The following UBTD1 variants were observed in gnomAD, a reference collection of about 807,000 sequenced individuals.
UBTD1 encodes ubiquitin domain containing 1.
A neutral mutation model predicts 21.7 loss-of-function variants in UBTD1; 19 were observed. The ratio of observed to expected loss-of-function variants is 0.87; its 90% CI spans 0.61 to 1.28. The LOEUF (loss-of-function observed/expected upper bound fraction) is 1.28, where lower values mean the gene tolerates loss of function less well. UBTD1 is among the 50% of genes most tolerant of loss of function. The pLI is 0.00. For missense variants in UBTD1, 282 were observed against 315.1 expected (o/e 0.89, Z 0.80); for synonymous variants, 116 against 135.1 (o/e 0.86, Z 0.98).
chr10:97,560,024 TA>T (rs1181207881), intron 1 of UBTD1, among the ~76,000 whole-genome samples: 1 of 152,214 alleles, frequency 6.6e-6, no homozygotes, highest in Non-Finnish European at 1.5e-5. Flanking sequence ...TTATTACTTT[TA>T]AATTATACAA....
chr10:97,550,865 C>G (rs1164960853), intron 1 of UBTD1, among the ~76,000 whole-genome samples: 1 of 152,166 alleles, frequency 6.6e-6, no homozygotes, highest in Non-Finnish European at 1.5e-5. Context: ...CACCAGACAC[C>G]ATTCATTATT....
At chr10:97,515,582 C>T (rs2040440367) in intron 1 of UBTD1, among the ~76,000 whole-genome samples, 1 of 152,192 alleles carries the variant, frequency 6.6e-6, no homozygotes, top group Non-Finnish European at 1.5e-5. Flanking sequence ...TGGCCTTAAG[C>T]AGGGATTAGA....
At chr10:97,530,703 A>G (rs539254080) in intron 1 of UBTD1, among the ~76,000 whole-genome samples, 11 of 152,302 alleles carry the variant, frequency 7.2e-5, no homozygotes, top group Non-Finnish European at 1.5e-4. Context: ...CGTGGACATC[A>G]TAATGGTAGA....
chr10:97,536,102 C>T (rs1260127426), intron 1 of UBTD1, among the ~76,000 whole-genome samples: 1 of 151,762 alleles, frequency 6.6e-6, no homozygotes, highest in East Asian at 1.9e-4. Context: ...AAGCGATTCT[C>T]CTGCCTCAGC....
chr10:97,551,490 G>T (rs1311004217), intron 1 of UBTD1, among the ~76,000 whole-genome samples: 1 of 152,204 alleles, frequency 6.6e-6, no homozygotes, highest in Non-Finnish European at 1.5e-5. Flanking sequence ...CAGGTTGTAT[G>T]CCTTTGTCAG....
At chr10:97,557,082 T>G (rs1480125850) in intron 1 of UBTD1, among the ~76,000 whole-genome samples, 1 of 152,220 alleles carries the variant, frequency 6.6e-6, no homozygotes, top group Non-Finnish European at 1.5e-5. Flanking sequence ...CTGTAGGAAC[T>G]AAGTGTCGGA....
At chr10:97,521,253 T>G (rs192981597) in intron 1 of UBTD1, among the ~76,000 whole-genome samples, 1 of 152,368 alleles carries the variant, frequency 6.6e-6, no homozygotes, top group Non-Finnish European at 1.5e-5. Flanking sequence ...AAGGTGAGAC[T>G]CTGCTGGGTG....
chr10:97,526,269 G>A (rs1420664080), intron 1 of UBTD1, among the ~76,000 whole-genome samples: 1 of 152,200 alleles, frequency 6.6e-6, no homozygotes, highest in African/African-American at 2.4e-5. Flanking sequence ...AAGGTAACAA[G>A]AACCTTAAAA....
chr10:97,536,395 T>C (rs977444701), intron 1 of UBTD1, among the ~76,000 whole-genome samples: 1 of 151,958 alleles, frequency 6.6e-6, no homozygotes, highest in South Asian at 2.1e-4. Context: ...GCACGGCTGG[T>C]CAGAACAGGA....
chr10:97,502,616 A>T (rs755684606), intron 1 of UBTD1, among the ~76,000 whole-genome samples: 13 of 152,152 alleles, frequency 8.5e-5, no homozygotes, highest in Admixed American at 1.3e-4. Flanking sequence ...CTGTTTTATC[A>T]TCTTCACAAA....
chr10:97,505,650 C>T (rs571180610), intron 1 of UBTD1, among the ~76,000 whole-genome samples: 2 of 152,324 alleles, frequency 1.3e-5, no homozygotes, highest in East Asian at 1.9e-4. Flanking sequence ...GGTCTCTGCT[C>T]CTTCCTAGTT....
intron 1 of UBTD1, among the ~76,000 whole-genome samples, chr10:97,516,273 C>T (rs534728159): frequency 6.6e-6 from 1 of 152,316 alleles, no homozygotes; most frequent in South Asian, 2.1e-4. Context: ...AGCTGTGTGG[C>T]CTCTCTGCTT....
chr10:97,525,780 C>T (rs1031026017), intron 1 of UBTD1, among the ~76,000 whole-genome samples: 11 of 152,114 alleles, frequency 7.2e-5, no homozygotes, highest in Admixed American at 1.3e-4. Flanking sequence ...ATGTAAACTG[C>T]GGGAGAGCAA....
At chr10:97,559,684 TAG>T (rs1267129420) in intron 1 of UBTD1, among the ~76,000 whole-genome samples, 8 of 152,184 alleles carry the variant, frequency 5.3e-5, no homozygotes, top group Non-Finnish European at 1.2e-4. Flanking sequence ...TAAGATTTTA[TAG>T]ACTCTTTTTA....
intron 1 of UBTD1, among the ~76,000 whole-genome samples, chr10:97,528,939 CG>C (rs1010040884): frequency 4.3e-5 from 5 of 117,326 alleles, no homozygotes; most frequent in Admixed American, 8.3e-5. Flanking sequence ...GCTGGCCTGG[CG>C]GGGGCTGACC....
intron 1 of UBTD1, among the ~76,000 whole-genome samples, chr10:97,504,001 C>T (rs1214437353): frequency 1.3e-5 from 2 of 152,100 alleles, no homozygotes; most frequent in African/African-American, 4.8e-5. Context: ...CCCTGTACCT[C>T]CCAAAGTCTT....
intron 1 of UBTD1, among the ~76,000 whole-genome samples, chr10:97,556,743 A>C (rs2040665899): frequency 6.6e-6 from 1 of 152,230 alleles, no homozygotes; most frequent in Non-Finnish European, 1.5e-5. Flanking sequence ...TCCACTGATC[A>C]GGCAGCTTAG....
chr10:97,544,722 G>A (rs924304774), intron 1 of UBTD1, among the ~76,000 whole-genome samples: 3 of 152,210 alleles, frequency 2.0e-5, no homozygotes, highest in African/African-American at 7.2e-5. Context: ...CGGGGGCAGT[G>A]GCTCATGCGT....
intron 1 of UBTD1, among the ~76,000 whole-genome samples, chr10:97,539,298 G>A (rs1482291529): frequency 6.6e-6 from 1 of 152,044 alleles, no homozygotes; most frequent in Non-Finnish European, 1.5e-5. Context: ...CACTAACTTC[G>A]AAAAAAAGTT....
Sources: gnomAD v4.1 joint callset for allele counts (sites outside exome capture counted in the v4.1 genomes callset) on GRCh38, gnomAD v4.1.1 for gene constraint, MANE v1.5 for transcripts, NCBI Gene and HGNC (gene_info 2026-07-23, HGNC 2026-07-21) for gene names.